Variants in C4orf33 observed in about 807,000 individuals in gnomAD.
The protein encoded by C4orf33 is chromosome 4 open reading frame 33.
Under a neutral mutation model 24.3 loss-of-function variants are expected in C4orf33, and 20 were observed. That is an observed-to-expected ratio of 0.82 (90% CI 0.58 to 1.19). The LOEUF (loss-of-function observed/expected upper bound fraction) is 1.19, where lower values mean the gene tolerates loss of function less well. Ranked by LOEUF, C4orf33 falls within the 50% of genes most tolerant of loss-of-function variation. The pLI is 0.00. For missense variants in C4orf33, 207 were observed against 225.9 expected, an observed-to-expected ratio of 0.92 and a Z score of 0.54; for synonymous variants, 67 against 76.4, an observed-to-expected ratio of 0.88 and a Z score of 0.64.
At chr4:129,099,902 G>A (rs957884722) in intron 1 of C4orf33, among the ~76,000 whole-genome samples, 1 of 152,038 alleles carries the variant, frequency 6.6e-6, no homozygotes, top group Non-Finnish European at 1.5e-5. Flanking sequence ...ATTGACGTCA[G>A]TGTTCTTTAA....
chr4:129,100,415 A>T (rs888762447), intron 1 of C4orf33, among the ~76,000 whole-genome samples: 8 of 152,024 alleles, frequency 5.3e-5, no homozygotes, highest in Middle Eastern at 6.8e-3. Flanking sequence ...TCTTCTTCCA[A>T]TGTGGTCCAG....
rs1303121557 is a variant in C4orf33, at chr4:129,109,571, A to G, written c.393A>G (p.Lys131=). 2.5e-6 allele frequency: 4 copies of G among 1,614,072 alleles called. No homozygotes were observed. Among genetic ancestry groups the G allele is most frequent in the Middle Eastern group, 1.6e-4 (1 of 6,062 alleles). ...GTTATTTTCCACCAAATGTGACAAAATTCAATTCATTTGCAATTCATGGAT... is the reference window on the plus strand; with the variant it reads ...GTTATTTTCCACCAAATGTGACAAAGTTCAATTCATTTGCAATTCATGGAT... ...PWSYFPPNVT[K]FNSFAIHGSK... is the part of the protein sequence containing the mutation. Residue 131 remains lysine (K), a synonymous_variant, in exon 5 of 6, where the codon AAA becomes AAG. Transcript: ENST00000425929.
intron 1 of C4orf33, among the ~76,000 whole-genome samples, chr4:129,098,690 G>A (rs1434419850): frequency 6.6e-6 from 1 of 152,240 alleles, no homozygotes; most frequent in East Asian, 1.9e-4. Context: ...AGTAGGAGCA[G>A]CAGCTCCCAT....
Position 129,109,505 on chromosome 4 carries a change from A to G in C4orf33, c.327A>G (p.Arg109=). 6.2e-7 allele frequency: 1 copy of G among 1,613,768 alleles called. No individual in the cohort carries two copies. The highest frequency in any genetic ancestry group is 1.1e-5 in the South Asian group (1 of 91,068). ...QELPLSFRMS[R]GETKWEGKAY... is the part of the protein sequence containing the mutation. ...TTCCTTTATCGTTCAGAATGTCCAG[A>G]GGAGAGACAAAATGGGAAGGCAAAG... The change falls in exon 5 of 6, where the codon AGA becomes AGG. Residue 109 remains arginine, a synonymous_variant. Transcript: ENST00000425929.
chr4:129,095,182 A>AT (rs2125796410), upstream of C4orf33, among the ~76,000 whole-genome samples: 1 of 152,334 alleles, frequency 6.6e-6, no homozygotes, highest in African/African-American at 2.4e-5. Flanking sequence ...TATTTTCAAC[A>AT]TAAGTTTCAT....
At chr4:129,108,064 A>G (rs192892403) in intron 3 of C4orf33, among the ~76,000 whole-genome samples, 207 of 152,230 alleles carry the variant, frequency 1.4e-3, no homozygotes, top group Admixed American at 4.3e-3. Flanking sequence ...GTAACAGTTT[A>G]TTAACCTCTA....
At chr4:129,094,210 T>C (rs1263369480), upstream of C4orf33, among the ~76,000 whole-genome samples, 1 of 152,240 alleles carries the variant, frequency 6.6e-6, no homozygotes, top group Non-Finnish European at 1.5e-5. Flanking sequence ...AAGGTACTTT[T>C]TTTTGCAAAA....
In C4orf33 at chr4:129,106,594, A is replaced by T. The variant is rs150207764; in HGVS notation, c.189A>T (p.Glu63Asp). ...FNELWDYEVV[E>D]AFFLNDITEQ... Reference sequence around the variant, plus strand: ...TATCTCTGTTTTCAAAAGTTGTGGAAGCATTTTTCTTGAATGATATAACTG... The same window carrying T: ...TATCTCTGTTTTCAAAAGTTGTGGATGCATTTTTCTTGAATGATATAACTG... The change falls in exon 3 of 6, where the codon GAA (glutamate) becomes GAT (aspartate). Residue 63 changes from glutamate (E) to aspartate (D), a missense_variant. Transcript: ENST00000425929. 94 of 1,527,752 alleles carry T rather than the reference A, an allele frequency of 6.2e-5. No individual in the cohort carries two copies. In the African/African-American group the frequency reaches 1.2e-3, roughly 19 times the overall value. 94.6% of individuals were successfully genotyped at this position (1,527,752 alleles called of 1,614,324 possible). A position where few individuals can be genotyped will look rare whatever the true frequency, so the allele number is the denominator to read the frequency against.
intron 1 of C4orf33, among the ~76,000 whole-genome samples, chr4:129,098,316 C>T (rs2125798412): frequency 6.6e-6 from 1 of 152,154 alleles, no homozygotes; most frequent in East Asian, 1.9e-4. Context: ...AACCCTTGCC[C>T]CTTTCTTCCC....
rs1365587669 is a variant in C4orf33 at position 129,113,081 on chromosome 4, A to T, written c.*1290A>T. 1 of 152,140 alleles carries T rather than the reference A, an allele frequency of 6.6e-6. No homozygotes were observed. The highest frequency in any genetic ancestry group is 2.4e-5 in the African/African-American group (1 of 41,450). The allele number at this position is 152,140 out of a possible 1,614,324, so 9.4% of individuals were successfully genotyped here. ...TTAGAGCATCTTGATTTTAGAAGCG[A>T]ATCGAACACTGTGAATCACAGTTTC... is the stretch of plus-strand genomic sequence containing the variant. On this transcript the variant is annotated 3_prime_UTR_variant, in exon 6 of 6. Coordinates refer to ENST00000425929, the MANE Select transcript of C4orf33 (RefSeq NM_001099783.2).
In C4orf33 at chr4:129,115,407, A is replaced by G. The variant is rs887451521; in HGVS notation, c.*3616A>G. 9 of 152,116 alleles carry G rather than the reference A, an allele frequency of 5.9e-5. No homozygotes were observed. Among genetic ancestry groups the G allele is most frequent in the African/African-American group, 2.2e-4 (9 of 41,434 alleles). The allele number at this position is 152,116 out of a possible 1,614,324, so 9.4% of individuals were successfully genotyped here. ...TTCTGACACCTCAGTTATGTGGAAC[A>G]CCTGTGGGAATCTGCTAATCTACTC... On this transcript the variant is annotated 3_prime_UTR_variant, in exon 6 of 6. Transcript: ENST00000425929.
chr4:129,098,200 A>G (rs986320785), intron 1 of C4orf33, among the ~76,000 whole-genome samples: 1 of 152,142 alleles, frequency 6.6e-6, no homozygotes, highest in African/African-American at 2.4e-5. Flanking sequence ...TCCAGGGTAT[A>G]TATGTGCGGG....
chr4:129,109,283 C>T lies in C4orf33; in HGVS notation c.243-24C>T, dbSNP rs371967240. 44 of 1,605,970 alleles carry T rather than the reference C, an allele frequency of 2.7e-5. No individual in the cohort carries two copies. In the African/African-American group the frequency reaches 5.7e-4, roughly 21 times the overall value. ...ATAACATTCATGTTTTTCAAACACT[C>T]ATGAGGAATCTTAATTTTGACAGCC... On this transcript the variant is annotated intron_variant, in intron 3 of 5. Transcript: ENST00000425929.
chr4:129,098,680 A>G (rs1385199891), intron 1 of C4orf33, among the ~76,000 whole-genome samples: 1 of 152,242 alleles, frequency 6.6e-6, no homozygotes, highest in African/African-American at 2.4e-5. Context: ...CCATAGACAG[A>G]GTAGGAGCAG....
Position 129,113,377 on chromosome 4 carries a change from C to T in C4orf33, c.*1586C>T, listed in dbSNP as rs73848915. ...CTTTTGAAAGGAACATGCATATCAA[C>T]TACAGAATTTCGGAAAGCTTGTCCA... is the stretch of plus-strand genomic sequence containing the variant. On this transcript the variant is annotated 3_prime_UTR_variant, in exon 6 of 6. Transcript: ENST00000425929. 5.9e-5 allele frequency: 9 copies of T among 152,178 alleles called. No individual in the cohort carries two copies. Among genetic ancestry groups the T allele is most frequent in the Non-Finnish European group, 1.2e-4 (8 of 68,022 alleles). The allele number at this position is 152,178 out of a possible 1,614,324, so 9.4% of individuals were successfully genotyped here. A position where few individuals can be genotyped will look rare whatever the true frequency, so the allele number is the denominator to read the frequency against.
At chr4:129,094,940 A>G (rs1393572817), upstream of C4orf33, among the ~76,000 whole-genome samples, 1 of 152,168 alleles carries the variant, frequency 6.6e-6, no homozygotes, top group Non-Finnish European at 1.5e-5. Context: ...TTGGCATCAA[A>G]TAAATAATTA....
At chr4:129,109,698 G>T (rs1409546344) in intron 5 of C4orf33, 26 bp downstream of exon 5, 1 of 1,586,902 alleles carries the variant, frequency 6.3e-7, no homozygotes, top group East Asian at 2.2e-5. Context: ...ATGAAGATAT[G>T]TTCCAAATAC....
rs1470484783 is a variant in C4orf33 at position 129,115,515 on chromosome 4, C to T, written c.*3724C>T. ...GGATAAATACTCCCCTTTTCCGTCC[C>T]TTGGGCAGACAATTCTGAAGTGCAT... On this transcript the variant is annotated 3_prime_UTR_variant, in exon 6 of 6. Transcript: ENST00000425929. 6.6e-6 allele frequency: 1 copy of T among 152,068 alleles called. No individual in the cohort carries two copies. Among genetic ancestry groups the T allele is most frequent in the Non-Finnish European group, 1.5e-5 (1 of 68,030 alleles). The allele number at this position is 152,068 out of a possible 1,614,324, so 9.4% of individuals were successfully genotyped here. A position where few individuals can be genotyped will look rare whatever the true frequency, so the allele number is the denominator to read the frequency against.
intron 2 of C4orf33, 22 bp downstream of exon 2, chr4:129,102,813 TA>T: frequency 6.3e-7 from 1 of 1,585,140 alleles, no homozygotes; most frequent in Non-Finnish European, 8.6e-7. Flanking sequence ...TACTGTATTT[TA>T]TTGCAAACAT....
Sources: allele counts gnomAD v4.1 joint callset (sites outside exome capture counted in the v4.1 genomes callset), GRCh38; gene constraint gnomAD v4.1.1; transcripts MANE v1.5; gene names NCBI Gene and HGNC (gene_info 2026-07-23, HGNC 2026-07-21).